The following HDAC9 variants were observed in gnomAD, a reference collection of about 807,000 sequenced individuals.
The protein encoded by HDAC9 is MEF-2 interacting transcription repressor (MITR) protein.
Under a neutral mutation model 139.4 loss-of-function variants are expected in HDAC9, and 41 were observed. The observed-to-expected ratio is 0.29, with a 90% confidence interval of 0.23 to 0.38. The LOEUF (loss-of-function observed/expected upper bound fraction) is 0.38. Among genes scored for constraint, HDAC9 ranks in the 10% least tolerant of loss-of-function variants. The probability of loss-of-function intolerance (pLI) is 1.00; values close to 1 mark genes in which losing one functional copy is unlikely to be tolerated. For synonymous variants in HDAC9, 517 were observed against 476.2 expected, an observed-to-expected ratio of 1.09 and a Z score of -1.12; for missense variants, 1,147 against 1,297.0, an observed-to-expected ratio of 0.88 and a Z score of 1.78.
chr7:18,253,268 C>T (rs1420164093), intron 2 of HDAC9, among the ~76,000 whole-genome samples: 1 of 152,124 alleles, frequency 6.6e-6, no homozygotes, highest in Non-Finnish European at 1.5e-5. Flanking sequence ...GGTATATACC[C>T]AGTAATGGGA....
In HDAC9 at chr7:18,932,856, G is replaced by T. The variant is rs942795378; in HGVS notation, c.2804-2953G>T. 4.0e-5 allele frequency among the ~76,000 whole-genome samples: 6 copies of T among 150,340 alleles called. No homozygotes were observed. The East Asian group carries it at 1.2e-3, about 30-fold the overall frequency. ...GGAAGGAAGGAAGGAAAAAAAGAAAGAAAGAAAGAAAGAAAGAAAGAAAGG... is the reference window on the plus strand; with the variant it reads ...GGAAGGAAGGAAGGAAAAAAAGAAATAAAGAAAGAAAGAAAGAAAGAAAGG... On this transcript the variant is annotated intron_variant, in intron 22 of 25. Transcript: ENST00000686413.
intron 12 of HDAC9, among the ~76,000 whole-genome samples, chr7:18,722,121 T>TG (rs1785191693): frequency 6.6e-6 from 1 of 152,178 alleles, no homozygotes; most frequent in Admixed American, 6.5e-5. Flanking sequence ...CACCATATAA[T>TG]GAAAAGTTGT....
At chr7:18,201,848 C>A (rs1054872313) in intron 2 of HDAC9, among the ~76,000 whole-genome samples, 1 of 152,108 alleles carries the variant, frequency 6.6e-6, no homozygotes, top group East Asian at 1.9e-4. Flanking sequence ...GCAAAGGTAG[C>A]AAAATCAGCC....
At chr7:18,330,480 G>A (rs1327655925) in intron 1 of HDAC9, among the ~76,000 whole-genome samples, 2 of 151,168 alleles carry the variant, frequency 1.3e-5, no homozygotes, top group Non-Finnish European at 3.0e-5. Flanking sequence ...AGTCTGTAAT[G>A]TTGACTAATG....
intron 9 of HDAC9, among the ~76,000 whole-genome samples, chr7:18,647,197 TAAAC>T (rs1288595737): frequency 2.0e-5 from 3 of 152,142 alleles, no homozygotes; most frequent in Non-Finnish European, 2.9e-5. Context: ...GCCTTTAACT[TAAAC>T]AGTGTATAAA....
At chr7:18,288,909 GCCACCAAAC>G (rs1320230947), upstream of HDAC9, among the ~76,000 whole-genome samples, 1 of 152,212 alleles carries the variant, frequency 6.6e-6, no homozygotes, top group Non-Finnish European at 1.5e-5. Flanking sequence ...CCGAGGAGGT[GCCACCAAAC>G]CTAGATGCTT....
At chr7:18,237,913 C>T (rs1267017244) in intron 2 of HDAC9, among the ~76,000 whole-genome samples, 4 of 152,196 alleles carry the variant, frequency 2.6e-5, no homozygotes, top group African/African-American at 9.7e-5. Flanking sequence ...AGGTGATCAT[C>T]AGAAGCAGAC....
At chr7:18,685,238 C>T (rs1341705046) in intron 12 of HDAC9, among the ~76,000 whole-genome samples, 1 of 152,018 alleles carries the variant, frequency 6.6e-6, no homozygotes, top group Non-Finnish European at 1.5e-5. Context: ...TGTCATTATG[C>T]ACTGTGCTAT....
intron 2 of HDAC9, among the ~76,000 whole-genome samples, chr7:18,177,544 C>T (rs138630144): frequency 6.6e-6 from 1 of 152,154 alleles, no homozygotes; most frequent in Admixed American, 6.5e-5. Context: ...CTTTGAATGA[C>T]CCTTCCTCAC....
At chr7:18,165,125 GT>G (rs1787913717) in intron 2 of HDAC9, among the ~76,000 whole-genome samples, 2 of 152,140 alleles carry the variant, frequency 1.3e-5, no homozygotes, top group Non-Finnish European at 2.9e-5. Context: ...TTCTAGTAAT[GT>G]AATTTTTATC....
At chr7:18,291,285 C>T (rs1218762890) in intron 1 of HDAC9, among the ~76,000 whole-genome samples, 1 of 152,030 alleles carries the variant, frequency 6.6e-6, no homozygotes, top group African/African-American at 2.4e-5. Context: ...CCAGTGGGAG[C>T]AGGAGTAGAG....
At chr7:18,261,035 G>A (rs950267798) in intron 2 of HDAC9, among the ~76,000 whole-genome samples, 1 of 152,140 alleles carries the variant, frequency 6.6e-6, no homozygotes, top group Non-Finnish European at 1.5e-5. Context: ...TGGCTCTGGG[G>A]CTCATGTTTG....
intron 21 of HDAC9, among the ~76,000 whole-genome samples, chr7:18,857,716 T>A (rs1797795729): frequency 6.6e-6 from 1 of 152,142 alleles, no homozygotes; most frequent in Admixed American, 6.6e-5. Context: ...AATCTAGCAC[T>A]TGGCACCTTG....
intron 16 of HDAC9, 142 bp downstream of exon 16, chr7:18,767,297 T>A (rs1174433284): frequency 6.1e-6 from 3 of 488,688 alleles, no homozygotes; most frequent in Non-Finnish European, 1.1e-5. Context: ...TTTGCAGAGC[T>A]AAGTGCCAAG....
rs186167885 is a variant in HDAC9 at position 18,398,586 on chromosome 7, A to G, written c.-41-97676A>G. On this transcript the variant is annotated intron_variant, in intron 1 of 3. Transcript: ENST00000413509. ...TTAGATTGGACAAGTGGAAAGATAC[A>G]GGATTGTGCGTATGAGCCTTTGCTC... Among the ~76,000 whole-genome samples the G allele has an allele frequency of 7.8e-3, 1,192 of 152,230 alleles. 14 individuals carry two copies. The highest frequency in any genetic ancestry group is 0.014 in the Non-Finnish European group (946 of 67,984).
intron 1 of HDAC9, among the ~76,000 whole-genome samples, chr7:18,418,054 A>G (rs2128749998): frequency 6.6e-6 from 1 of 152,318 alleles, no homozygotes; most frequent in East Asian, 1.9e-4. Context: ...ACAACTTTGC[A>G]CAATCATAGA....
chr7:18,786,119 T>A (rs1459980313), intron 16 of HDAC9, among the ~76,000 whole-genome samples: 1 of 152,196 alleles, frequency 6.6e-6, no homozygotes, highest in African/African-American at 2.4e-5. Context: ...CTGCTATGAC[T>A]GAGTAAACGA....
At chr7:18,761,423 G>A (rs1437750174) in intron 14 of HDAC9, among the ~76,000 whole-genome samples, 1 of 152,148 alleles carries the variant, frequency 6.6e-6, no homozygotes, top group East Asian at 1.9e-4. Flanking sequence ...TTTCCAATCT[G>A]TCAGAGACTA....
chr7:18,360,191 A>G (rs539439838), intron 1 of HDAC9, among the ~76,000 whole-genome samples: 236 of 152,282 alleles, frequency 1.5e-3, no homozygotes, highest in African/African-American at 5.4e-3. Flanking sequence ...TATCCTATGT[A>G]TATTCCTACA....
Sources: allele counts gnomAD v4.1 joint callset (sites outside exome capture counted in the v4.1 genomes callset), GRCh38; gene constraint gnomAD v4.1.1; transcripts MANE v1.5; gene names NCBI Gene and HGNC (gene_info 2026-07-23, HGNC 2026-07-21).